The following SLC6A9 variants were observed in gnomAD, a reference collection of about 807,000 sequenced individuals.
SLC6A9 encodes the protein sodium- and chloride-dependent glycine transporter 1.
Under a neutral mutation model 70.9 loss-of-function variants are expected in SLC6A9, and 31 were observed. The ratio of observed to expected loss-of-function variants is 0.44; its 90% CI spans 0.33 to 0.59. The LOEUF is 0.59. SLC6A9 is among the 20% of genes least tolerant of loss of function. SLC6A9 has a pLI of 0.04. For missense variants in SLC6A9, 631 were observed against 845.2 expected, an observed-to-expected ratio of 0.75 and a Z score of 3.14; for synonymous variants, 310 against 341.3, an observed-to-expected ratio of 0.91 and a Z score of 1.01.
At chr1:44,017,158 G>A (rs200139159) in intron 2 of SLC6A9, 21 of 1,604,554 alleles carry the variant, frequency 1.3e-5, no homozygotes, top group Middle Eastern at 1.7e-4. Flanking sequence ...GCTCCAGCGC[G>A]ACACTGACGC....
In SLC6A9 at chr1:44,017,312, G is replaced by A; in HGVS notation, c.31-6430C>T. 2.8e-6 allele frequency: 4 copies of A among 1,425,038 alleles called. No individual in the cohort carries two copies. In the South Asian group the frequency reaches 6.1e-5, roughly 22 times the overall value. 88.3% of individuals were successfully genotyped at this position (1,425,038 alleles called of 1,614,324 possible). On this transcript the variant is annotated intron_variant, in intron 2 of 13. Coordinates refer to ENST00000372310, the MANE Select transcript of SLC6A9 (RefSeq NM_001024845.3). ...CCAGCACGGGTGCTCCGGAGCTGGA[G>A]TGGGGTGTGTGGGGTTTGTTGTGTT...
In SLC6A9 at chr1:43,997,900, G is replaced by A. The variant is rs145370858; in HGVS notation, c.1662C>T (p.Tyr554=). ...CTGTGCGGCAGAGCCGGAACATGGC[G>A]TAGAGGGGGATGCAGAGGACGGAGG... ...ALSSVLCIPL[Y]AMFRLCRTDG... Residue 554 remains tyrosine, a synonymous_variant, in exon 13 of 14, where the codon TAC becomes TAT. Coordinates refer to ENST00000372310, the MANE Select transcript of SLC6A9 (RefSeq NM_001024845.3). The surrounding 1 kb of genome is among the most constrained non-coding windows in gnomAD (Gnocchi z 4.4). 17 of 1,614,060 alleles carry A rather than the reference G, an allele frequency of 1.1e-5. No homozygotes were observed. Among genetic ancestry groups the A allele is most frequent in the South Asian group, 5.5e-5 (5 of 91,080 alleles).
Position 43,998,183 on chromosome 1 carries a change from AGCAGGCAGGGCCGGGGGCCGGAGC to A in SLC6A9, c.1537-182_1537-159del, listed in dbSNP as rs532224661. On this transcript the variant is annotated intron_variant, in intron 12 of 13. Transcript: ENST00000372310. ...CTGTCAACATCTGGGCCGTGGAAGA[AGCAGGCAGGGCCGGGGGCCGGAGC>A]GCGGTGAGTGGGAAGGCTCTGCGGA... is the stretch of plus-strand genomic sequence containing the variant. Among the ~76,000 whole-genome samples the A allele has an allele frequency of 2.5e-4, 38 of 152,328 alleles. No individual in the cohort carries two copies. In the East Asian group the frequency reaches 7.3e-3, roughly 29 times the overall value.
At chr1:44,004,846 G>A (rs370703855) in intron 5 of SLC6A9, among the ~76,000 whole-genome samples, 3 of 152,182 alleles carry the variant, frequency 2.0e-5, no homozygotes, top group African/African-American at 7.2e-5. Context: ...GTATTTACAA[G>A]TGACCTCTTG....
chr1:43,999,259 A>T (rs1448862684), intron 12 of SLC6A9, among the ~76,000 whole-genome samples: 1 of 151,468 alleles, frequency 6.6e-6, no homozygotes, highest in Non-Finnish European at 1.5e-5. Flanking sequence ...AACAGCCCAG[A>T]AAGCCAGGCT....
chr1:44,022,666 C>G (rs975997870), intron 2 of SLC6A9, among the ~76,000 whole-genome samples: 2 of 151,124 alleles, frequency 1.3e-5, no homozygotes, highest in Non-Finnish European at 2.9e-5. Flanking sequence ...GCAGAACCAC[C>G]GGTTCTCTCC....
chr1:44,027,953 C>T (rs970710643), intron 1 of SLC6A9, among the ~76,000 whole-genome samples: 1 of 152,042 alleles, frequency 6.6e-6, no homozygotes, highest in Non-Finnish European at 1.5e-5. Flanking sequence ...CCAGCCTGGG[C>T]AAAAAGAGTG....
At chr1:44,006,256 C>T (rs764036033) in intron 5 of SLC6A9, among the ~76,000 whole-genome samples, 2 of 152,174 alleles carry the variant, frequency 1.3e-5, no homozygotes, top group Non-Finnish European at 2.9e-5. Flanking sequence ...TCCCTGCCCT[C>T]TCTCCCCTCT....
intron 1 of SLC6A9, among the ~76,000 whole-genome samples, chr1:44,024,588 G>A (rs2086948078): frequency 6.6e-6 from 1 of 152,208 alleles, no homozygotes; most frequent in Non-Finnish European, 1.5e-5. Context: ...AATGGGCAAA[G>A]GTCTATTTTT....
At position 44,001,534 on chromosome 1, in the gene SLC6A9, C is replaced by T. The variant is rs776151441; in HGVS notation, c.1056G>A (p.Leu352=). The change falls in exon 9 of 14, where the codon CTG becomes CTA. Residue 352 remains leucine (L), a synonymous_variant. Transcript: ENST00000372310. The part of the protein sequence containing the change: ...FSILGFMANH[L]GVDVSRVADH... ...CTGCCACACGGGACACATCCACGCC[C>T]AGGTGATTGGCCATGAAGCCGAGGA... 3.7e-6 allele frequency: 6 copies of T among 1,614,246 alleles called. No individual in the cohort carries two copies. In the South Asian group the frequency reaches 5.5e-5, roughly 15 times the overall value.
intron 3 of SLC6A9, chr1:44,010,448 C>G: frequency 4.8e-6 from 1 of 207,990 alleles, no homozygotes; most frequent in Admixed American, 9.5e-5. Flanking sequence ...AACAGGGAGC[C>G]TTGTGGGCGG....
Position 44,012,889 on chromosome 1 carries a change from C to G in SLC6A9, c.31-2007G>C, listed in dbSNP as rs368781987. ...ATCCTGTCTGAGCATGTCACCACCT[C>G]CTGGGGCCTTCACTGGGGCAGGTGT... On this transcript the variant is annotated intron_variant, in intron 2 of 13. Coordinates refer to ENST00000372310, the MANE Select transcript of SLC6A9 (RefSeq NM_001024845.3). Among the ~76,000 whole-genome samples the G allele has an allele frequency of 3.9e-5, 6 of 152,328 alleles. No homozygotes were observed. In the East Asian group the frequency reaches 1.2e-3, roughly 29 times the overall value.
intron 12 of SLC6A9, among the ~76,000 whole-genome samples, chr1:44,000,426 G>A (rs895193805): frequency 6.6e-6 from 1 of 152,238 alleles, no homozygotes; most frequent in Non-Finnish European, 1.5e-5. Flanking sequence ...CACCCTCCCT[G>A]GAGGGATGGG....
intron 3 of SLC6A9, chr1:44,010,456 C>CGGGGGGGGGGGGGGGGGGGGGTGGGGGG (rs61601279): frequency 1.9e-5 from 1 of 52,672 alleles, no homozygotes; most frequent in Non-Finnish European, 5.7e-5. Context: ...GCCTTGTGGG[C>CGGGGGGGGGGGGGGGGGGGGGTGGGGGG]GGGGGGGGGG....
rs200984575 is a variant in SLC6A9 at position 44,008,459 on chromosome 1, C to A, written c.484G>T (p.Ala162Ser). ...CGAGAGCCATTGGTGAGGTTGGAGG[C>A]GTCCAGTACACCGGCGCAGTCATGC... ...NTHDCAGVLD[A>S]SNLTNGSRPA... is the part of the protein sequence containing the mutation. Residue 162 changes from alanine to serine, a missense_variant, in exon 5 of 14, where the codon GCC becomes TCC. By Grantham distance (99) the Ala-to-Ser change is moderately conservative. Coordinates refer to ENST00000372310, the MANE Select transcript of SLC6A9 (RefSeq NM_001024845.3). 9.3e-6 allele frequency: 15 copies of A among 1,614,034 alleles called. No homozygotes were observed. The highest frequency in any genetic ancestry group is 1.3e-5 in the Non-Finnish European group (15 of 1,180,000).
chr1:44,028,800 A>AAAGG (rs1206083614), intron 1 of SLC6A9, among the ~76,000 whole-genome samples: 1 of 142,026 alleles, frequency 7.0e-6, no homozygotes, highest in Non-Finnish European at 1.5e-5. Context: ...AGAAAGAAAG[A>AAAGG]AAGGAAGGAA....
rs2085872331 is a variant in SLC6A9 at position 43,996,672 on chromosome 1, A to T, written c.*873T>A. 1 of 154,482 alleles carries T rather than the reference A, an allele frequency of 6.5e-6. No individual in the cohort carries two copies. Among genetic ancestry groups the T allele is most frequent in the African/African-American group, 2.4e-5 (1 of 41,382 alleles). 9.6% of individuals were successfully genotyped at this position (154,482 alleles called of 1,614,324 possible). ...TTCAGACACTTCAGAAGGGGCTCCC[A>T]CTCCAGAGAGGGGAGGGGCATGTGG... On this transcript the variant is annotated 3_prime_UTR_variant, in exon 14 of 14. Coordinates refer to ENST00000372310, the MANE Select transcript of SLC6A9 (RefSeq NM_001024845.3).
rs1332982771 is a variant in SLC6A9, at chr1:44,013,378, A to G, written c.31-2496T>C. ...TGATGCTTCCAGCCACGTGCCACAG[A>G]CAGCCGCCTGCCTGAGCCCTCAAGA... is the stretch of plus-strand genomic sequence containing the variant. On this transcript the variant is annotated intron_variant, in intron 2 of 13. Coordinates refer to ENST00000372310, the MANE Select transcript of SLC6A9 (RefSeq NM_001024845.3). This position sits in a 1 kb window ranked among gnomAD's most constrained non-coding sequence, Gnocchi z 5.3. Among the ~76,000 whole-genome samples, 3 of 152,172 alleles carry G rather than the reference A, an allele frequency of 2.0e-5. No individual in the cohort carries two copies. The highest frequency in any genetic ancestry group is 4.4e-5 in the Non-Finnish European group (3 of 68,022).
Position 43,997,377 on chromosome 1 carries a change from C to G in SLC6A9, c.*168G>C. The G allele has an allele frequency of 1.6e-6, 1 of 643,960 alleles. No homozygotes were observed. The highest frequency in any genetic ancestry group is 1.9e-5 in the South Asian group (1 of 51,846). The allele number at this position is 643,960 out of a possible 1,614,324, so 39.9% of individuals were successfully genotyped here. ...TTGGCATCCAAAGGACATGTAAACA[C>G]TGGGGACATGAGCATGAATGACTGC... On this transcript the variant is annotated 3_prime_UTR_variant, in exon 14 of 14. Transcript: ENST00000372310. This position sits in a 1 kb window ranked among gnomAD's most constrained non-coding sequence, Gnocchi z 4.4.
Sources: gnomAD v4.1 joint callset for allele counts (sites outside exome capture counted in the v4.1 genomes callset) on GRCh38, gnomAD v4.1.1 for gene constraint, Gnocchi (gnomAD v3.1) non-coding constraint, MANE v1.5 for transcripts, NCBI Gene and HGNC (gene_info 2026-07-23, HGNC 2026-07-21) for gene names.